Variants in ARID1B observed in about 807,000 individuals in gnomAD.
ARID1B encodes the protein AT-rich interaction domain 1B.
A neutral mutation model predicts 212.3 loss-of-function variants in ARID1B; 30 were observed. That is an observed-to-expected ratio of 0.14 (90% CI 0.11 to 0.19). The LOEUF is 0.19. Ranked by LOEUF, ARID1B falls within the 10% of genes least tolerant of loss-of-function variation. ARID1B has a pLI of 1.00. For missense variants in ARID1B, 2,891 were observed against 3,204.0 expected, an observed-to-expected ratio of 0.90 and a Z score of 2.36; for synonymous variants, 1,402 against 1,301.7, an observed-to-expected ratio of 1.08 and a Z score of -1.66.
At chr6:156,806,619 T>C (rs1781177305) in intron 1 of ARID1B, among the ~76,000 whole-genome samples, 1 of 152,242 alleles carries the variant, frequency 6.6e-6, no homozygotes, top group African/African-American at 2.4e-5. Context: ...TCGTGTGTGC[T>C]GAAGCAGAAG....
At chr6:156,976,868 G>T in intron 4 of ARID1B, 1 of 578,786 alleles carries the variant, frequency 1.7e-6, no homozygotes, top group Non-Finnish European at 3.3e-6. Flanking sequence ...AAATTGTTGT[G>T]AACCTCACAG....
At chr6:156,928,596 C>T (rs1254106299) in intron 3 of ARID1B, among the ~76,000 whole-genome samples, 1 of 152,110 alleles carries the variant, frequency 6.6e-6, no homozygotes, top group Admixed American at 6.5e-5. Context: ...AAGCAGGGGG[C>T]CACATGGAGT....
At chr6:156,823,689 T>TTG (rs67758306) in intron 1 of ARID1B, among the ~76,000 whole-genome samples, 1,678 of 34,116 alleles carry the variant, frequency 0.049, 39 homozygotes, top group African/African-American at 0.15. Flanking sequence ...TTCTTTGTTG[T>TTG]TTTTTTTTTT....
At chr6:157,162,881 A>C (rs1222461039) in intron 8 of ARID1B, among the ~76,000 whole-genome samples, 1 of 152,114 alleles carries the variant, frequency 6.6e-6, no homozygotes, top group African/African-American at 2.4e-5. Flanking sequence ...GTTCCTAGGC[A>C]GTCATTTCTA....
chr6:156,923,566 C>G (rs1299914043), intron 3 of ARID1B, among the ~76,000 whole-genome samples: 3 of 152,118 alleles, frequency 2.0e-5, no homozygotes, highest in Admixed American at 6.5e-5. Flanking sequence ...GTGTGGAAAT[C>G]AAGAGTTTAT....
rs200983601 is a variant in ARID1B, at chr6:157,008,841, GGGT to G, written c.2247+73273_2247+73275del. 6.7e-3 allele frequency among the ~76,000 whole-genome samples: 1,024 copies of G among 152,212 alleles called. 5 individuals carry two copies. The highest frequency in any genetic ancestry group is 0.024 in the African/African-American group (979 of 41,512). ...TGTCTGAGCTCTCACAGTTTGTAAT[GGGT>G]GGTGGTGCTGGGAGCTGGCAGGTTT... On this transcript the variant is annotated intron_variant, in intron 4 of 19. Coordinates refer to ENST00000636930, the MANE Select transcript of ARID1B (RefSeq NM_001374828.1).
intron 6 of ARID1B, among the ~76,000 whole-genome samples, chr6:157,120,764 C>G (rs1184359574): frequency 1.3e-5 from 2 of 152,124 alleles, no homozygotes; most frequent in Non-Finnish European, 2.9e-5. Context: ...AATCAATTGT[C>G]CATGTGCCAA....
At chr6:156,888,617 C>T (rs895816257) in intron 2 of ARID1B, among the ~76,000 whole-genome samples, 1 of 151,004 alleles carries the variant, frequency 6.6e-6, no homozygotes, top group Admixed American at 6.6e-5. Flanking sequence ...GTACTCATTA[C>T]TAAATAAATG....
chr6:157,204,111 A>T, intron 19 of ARID1B, 115 bp downstream of exon 19: 9 of 1,332,528 alleles, frequency 6.8e-6, no homozygotes, highest in Non-Finnish European at 9.5e-6. Context: ...CAACACTGTT[A>T]ATCACTGCAG....
intron 4 of ARID1B, among the ~76,000 whole-genome samples, chr6:157,031,394 G>A (rs11753090): frequency 0.19 from 28,650 of 152,058 alleles, 3,014 homozygotes; most frequent in East Asian, 0.4. Flanking sequence ...CACCAATGTA[G>A]GCAAAAATTA....
intron 1 of ARID1B, among the ~76,000 whole-genome samples, chr6:156,800,380 G>T (rs1237279977): frequency 6.6e-6 from 1 of 152,130 alleles, no homozygotes; most frequent in Non-Finnish European, 1.5e-5. Context: ...TCTAAGGTCA[G>T]GAGTTCAAGA....
rs1794679289 is a variant in ARID1B, at chr6:157,209,741, G to A, written c.*1850G>A. 2 of 233,132 alleles carry A rather than the reference G, an allele frequency of 8.6e-6. No individual in the cohort carries two copies. Among genetic ancestry groups the A allele is most frequent in the South Asian group, 1.8e-4 (1 of 5,532 alleles). The allele number at this position is 233,132 out of a possible 1,614,324, so 14.4% of individuals were successfully genotyped here. On this transcript the variant is annotated 3_prime_UTR_variant, in exon 20 of 20. Transcript: ENST00000636930. Reference sequence around the variant, plus strand: ...AAGAATCTGTTATATTGTATGTGGTGTACATAGTGCAAAGTGATGATTTCT... The same window carrying A: ...AAGAATCTGTTATATTGTATGTGGTATACATAGTGCAAAGTGATGATTTCT...
chr6:156,959,568 T>C (rs2128319438), intron 4 of ARID1B, among the ~76,000 whole-genome samples: 1 of 121,190 alleles, frequency 8.3e-6, no homozygotes, highest in Admixed American at 7.6e-5. Flanking sequence ...GGTTTTGTAC[T>C]TAAAAATCTC....
At chr6:156,947,959 G>A (rs1793285114) in intron 4 of ARID1B, among the ~76,000 whole-genome samples, 2 of 152,142 alleles carry the variant, frequency 1.3e-5, no homozygotes, top group Admixed American at 6.5e-5. Flanking sequence ...ACTCCAGAAT[G>A]GCAGGACAGC....
At position 157,206,697 on chromosome 6, in the gene ARID1B, C is replaced by A. The variant is rs150153898; in HGVS notation, c.5925C>A (p.Ser1975=). The change falls in exon 20 of 20, where the codon TCC becomes TCA. Residue 1975 remains serine, a synonymous_variant. Transcript: ENST00000636930. This position sits in a 1 kb window ranked among gnomAD's most constrained non-coding sequence, Gnocchi z 6.8. ...GGCGCCCACCTCCCCCCTTAAGCTC[C>A]GCAGGTAGAAAGAAAGAGCAAGAAG... is the stretch of plus-strand genomic sequence containing the variant. ...PRRRPPPPLS[S]AGRKKEQEGK... 3 of 1,612,650 alleles carry A rather than the reference C, an allele frequency of 1.9e-6. No homozygotes were observed. The South Asian group carries it at 3.3e-5, about 18-fold the overall frequency.
chr6:157,056,230 A>G (rs964803155), intron 4 of ARID1B, among the ~76,000 whole-genome samples: 10 of 152,208 alleles, frequency 6.6e-5, no homozygotes, highest in African/African-American at 2.2e-4. Context: ...TCTGCCTCCC[A>G]CAGCTACTGA....
chr6:156,974,667 G>A (rs1375237020), intron 4 of ARID1B, among the ~76,000 whole-genome samples: 1 of 152,182 alleles, frequency 6.6e-6, no homozygotes, highest in Non-Finnish European at 1.5e-5. Context: ...TGGCAGAGTT[G>A]TTTTAACTCA....
In ARID1B at chr6:156,922,211, C is replaced by T. The variant is rs1025627050; in HGVS notation, c.2137-13255C>T. 1.1e-4 allele frequency among the ~76,000 whole-genome samples: 15 copies of T among 141,744 alleles called. No homozygotes were observed. The East Asian group carries it at 2.0e-3, about 19-fold the overall frequency. The allele number at this position is 141,744 out of a possible 152,430, so 93.0% of individuals were successfully genotyped here. The stretch of plus-strand genomic sequence containing the variant: ...TTTTGGAGATGGAGTCTTGCTGTGT[C>T]GTCCAGGCTGGAGTGCAGTGGTGCA... On this transcript the variant is annotated intron_variant, in intron 3 of 19. Transcript: ENST00000636930.
Position 156,967,161 on chromosome 6 carries a change from G to A in ARID1B, c.2247+31585G>A, listed in dbSNP as rs954671159. On this transcript the variant is annotated intron_variant, in intron 4 of 19. Coordinates refer to ENST00000636930, the MANE Select transcript of ARID1B (RefSeq NM_001374828.1). The stretch of plus-strand genomic sequence containing the variant: ...AGATATATAAACCTAGTCTTTTGGG[G>A]GATTTTGAAAGGGTCATAGTATTCT... Among the ~76,000 whole-genome samples, 3 of 152,072 alleles carry A rather than the reference G, an allele frequency of 2.0e-5. No individual in the cohort carries two copies. In the South Asian group the frequency reaches 6.2e-4, roughly 32 times the overall value.
Sources: allele counts gnomAD v4.1 joint callset (sites outside exome capture counted in the v4.1 genomes callset), GRCh38; gene constraint gnomAD v4.1.1; non-coding constraint Gnocchi (gnomAD v3.1); transcripts MANE v1.5; gene names NCBI Gene and HGNC (gene_info 2026-07-23, HGNC 2026-07-21).